PLEKHA7: variants seen among roughly 807,000 people sequenced by gnomAD.
PLEKHA7 encodes the protein pleckstrin homology domain containing A7, also known as pleckstrin homology domain-containing family A member 7.
PLEKHA7 carries 104 observed loss-of-function variants against 170.0 expected under a neutral mutation model. That is an observed-to-expected ratio of 0.61 (90% CI 0.52 to 0.72). The LOEUF (loss-of-function observed/expected upper bound fraction) is 0.72. PLEKHA7 is among the 30% of genes least tolerant of loss of function. The pLI, the probability that PLEKHA7 is intolerant of heterozygous loss-of-function variation, is 0.00. For synonymous variants in PLEKHA7, 648 were observed against 660.8 expected (o/e 0.98, Z 0.30); for missense variants, 1,615 against 1,671.7 (o/e 0.97, Z 0.59).
At chr11:16,945,796 G>A (rs1468058754) in intron 3 of PLEKHA7, among the ~76,000 whole-genome samples, 1 of 152,184 alleles carries the variant, frequency 6.6e-6, no homozygotes, top group Non-Finnish European at 1.5e-5. Flanking sequence ...CATATTAAAT[G>A]GCAGTTTCAA....
At chr11:16,911,658 G>A (rs562280026) in intron 3 of PLEKHA7, among the ~76,000 whole-genome samples, 157 of 151,746 alleles carry the variant, frequency 1.0e-3, no homozygotes, top group Admixed American at 1.7e-3. Flanking sequence ...ATAACAGAGA[G>A]CCATGCAGGG....
At chr11:17,007,320 GA>G (rs1285367997) in intron 3 of PLEKHA7, among the ~76,000 whole-genome samples, 1 of 151,514 alleles carries the variant, frequency 6.6e-6, no homozygotes, top group African/African-American at 2.4e-5. Flanking sequence ...ACATTAAATA[GA>G]AAAAAAAATT....
intron 3 of PLEKHA7, among the ~76,000 whole-genome samples, chr11:16,907,564 G>C (rs1446508572): frequency 8.5e-6 from 1 of 118,082 alleles, no homozygotes; most frequent in Non-Finnish European, 1.9e-5. Flanking sequence ...AGGGAGGCGG[G>C]GGGGTCAGCC....
intron 24 of PLEKHA7, 59 bp from the exon 25 acceptor site, chr11:16,783,892 G>A (rs554954100): frequency 4.0e-5 from 54 of 1,348,810 alleles, no homozygotes; most frequent in Non-Finnish European, 3.7e-5. Flanking sequence ...TTTAGGACTC[G>A]CTTTCCCCAC....
In PLEKHA7 at chr11:16,791,184, G is replaced by A. The variant is rs909510044; in HGVS notation, c.2761C>T (p.Pro921Ser). 4 of 1,596,884 alleles carry A rather than the reference G, an allele frequency of 2.5e-6. No homozygotes were observed. Among genetic ancestry groups the A allele is most frequent in the Admixed American group, 1.7e-5 (1 of 57,390 alleles). Reference sequence around the variant, plus strand: ...TAGAGTTCGGGGAGTGGGGGCCTGGGAGGTGCTTCATCTTCCTGCTGAGAA... The same window carrying A: ...TAGAGTTCGGGGAGTGGGGGCCTGGAAGGTGCTTCATCTTCCTGCTGAGAA... Reference protein sequence around the residue: ...AKPKVEDEAPPRPPLPELYSP... With the variant: ...AKPKVEDEAPSRPPLPELYSP... Residue 921 changes from proline (P) to serine (S), a missense_variant, in exon 20 of 27, where the codon CCC becomes TCC. Transcript: ENST00000531066. The surrounding 1 kb of genome is among the most constrained non-coding windows in gnomAD (Gnocchi z 4.5).
chr11:16,805,660 C>T (rs932587694), intron 13 of PLEKHA7, among the ~76,000 whole-genome samples: 5 of 151,790 alleles, frequency 3.3e-5, no homozygotes, highest in African/African-American at 9.7e-5. Flanking sequence ...CACAGTGCCG[C>T]GCACCTGTAG....
chr11:16,871,573 A>G lies in PLEKHA7; in HGVS notation c.222-391T>C, dbSNP rs539968045. Among the ~76,000 whole-genome samples, 3 of 152,348 alleles carry G rather than the reference A, an allele frequency of 2.0e-5. No individual in the cohort carries two copies. The East Asian group carries it at 5.8e-4, about 29-fold the overall frequency. ...GCAGATGACACTTAAGACAGCTTCC[A>G]AATCCATGAATCTAGCAAAAGAATT... On this transcript the variant is annotated intron_variant, in intron 3 of 26. Transcript: ENST00000531066.
At chr11:16,841,803 T>C (rs1851987509) in intron 8 of PLEKHA7, 81 bp from the exon 9 acceptor site, 7 of 1,407,542 alleles carry the variant, frequency 5.0e-6, no homozygotes, top group African/African-American at 1.4e-5. Flanking sequence ...GGAGGCACTA[T>C]GGCCCTTCTA....
chr11:16,792,157 CAG>C (rs896603712), intron 19 of PLEKHA7, among the ~76,000 whole-genome samples: 2 of 129,504 alleles, frequency 1.5e-5, no homozygotes, highest in Non-Finnish European at 3.6e-5. Flanking sequence ...TGAGGATCCA[CAG>C]TTTCCAATCC....
At chr11:16,801,225 A>T in intron 16 of PLEKHA7, 150 bp from the exon 17 acceptor site, 1 of 702,614 alleles carries the variant, frequency 1.4e-6, no homozygotes, top group Non-Finnish European at 2.5e-6. Context: ...GAGGAGCAGG[A>T]AAGAGCGTGG....
intron 23 of PLEKHA7, chr11:16,788,655 G>A (rs1849568029): frequency 4.4e-6 from 1 of 227,416 alleles, no homozygotes; most frequent in Admixed American, 5.3e-5. Context: ...GGGCAGGGGT[G>A]TGACCCCGTG....
rs112867757 is a variant in PLEKHA7 at position 16,795,030 on chromosome 11, G to A, written c.2410-12C>T. On this transcript the variant is annotated splice_polypyrimidine_tract_variant and intron_variant, in intron 17 of 26. Transcript: ENST00000531066. ...ATCTGCGATTTCTCCTGAGGAAGAC[G>A]AAGTGGTGGGTTTGCCTTCTTAGCT... 4.0e-5 allele frequency: 63 copies of A among 1,583,080 alleles called. No homozygotes were observed. In the African/African-American group the frequency reaches 6.5e-4, roughly 16 times the overall value.
At chr11:16,818,616 G>A (rs764146316) in intron 10 of PLEKHA7, among the ~76,000 whole-genome samples, 3 of 152,114 alleles carry the variant, frequency 2.0e-5, no homozygotes, top group Admixed American at 6.5e-5. Flanking sequence ...TCCAAGACAT[G>A]TTTTCCCAGG....
intron 5 of PLEKHA7, 107 bp from the exon 6 acceptor site, chr11:16,855,100 C>T: frequency 1.2e-6 from 1 of 848,922 alleles, no homozygotes; most frequent in Non-Finnish European, 1.9e-6. Flanking sequence ...CTCTAAATGG[C>T]AGCACCCTTT....
chr11:16,898,131 G>A (rs895159020), intron 3 of PLEKHA7, among the ~76,000 whole-genome samples: 8 of 151,960 alleles, frequency 5.3e-5, no homozygotes, highest in African/African-American at 1.7e-4. Flanking sequence ...TTTCCATGAA[G>A]TCACATGATC....
At chr11:16,894,691 T>TGAGAAGTGAGGAG (rs1856889787) in intron 3 of PLEKHA7, among the ~76,000 whole-genome samples, 1 of 152,006 alleles carries the variant, frequency 6.6e-6, no homozygotes, top group East Asian at 1.9e-4. Flanking sequence ...GGGCCCCTTC[T>TGAGAAGTGAGGAG]CCCCACAGAA....
At chr11:16,967,523 G>A (rs1254295415) in intron 3 of PLEKHA7, among the ~76,000 whole-genome samples, 1 of 152,226 alleles carries the variant, frequency 6.6e-6, no homozygotes, top group African/African-American at 2.4e-5. Context: ...TCTGCTTAAT[G>A]CCATGAGGCC....
chr11:16,801,598 TG>T, intron 16 of PLEKHA7, 69 bp downstream of exon 16: 1 of 1,580,622 alleles, frequency 6.3e-7, no homozygotes, highest in Non-Finnish European at 8.6e-7. Context: ...AACTACATCT[TG>T]GGAGGGGAGA....
At chr11:16,928,862 CACT>C (rs1004553278) in intron 3 of PLEKHA7, among the ~76,000 whole-genome samples, 3 of 151,840 alleles carry the variant, frequency 2.0e-5, no homozygotes, top group African/African-American at 7.3e-5. Context: ...TTTTACCATA[CACT>C]ATAATTTTAG....
Sources: gnomAD v4.1 joint callset for allele counts (sites outside exome capture counted in the v4.1 genomes callset) on GRCh38, gnomAD v4.1.1 for gene constraint, Gnocchi (gnomAD v3.1) non-coding constraint, MANE v1.5 for transcripts, NCBI Gene and HGNC (gene_info 2026-07-23, HGNC 2026-07-21) for gene names.